Variants in NCALD observed in about 807,000 individuals in gnomAD.
The protein encoded by NCALD is neurocalcin delta.
Under a neutral mutation model 18.6 loss-of-function variants are expected in NCALD, and 10 were observed. The ratio of observed to expected loss-of-function variants is 0.54; its 90% CI spans 0.33 to 0.91. The LOEUF (loss-of-function observed/expected upper bound fraction) is 0.91, where lower values mean the gene tolerates loss of function less well. NCALD is among the 40% of genes least tolerant of loss of function. NCALD has a pLI of 0.03. For missense variants in NCALD, 184 were observed against 247.6 expected (o/e 0.74, Z 1.72); for synonymous variants, 88 against 87.4 (o/e 1.01, Z -0.04).
intron 4 of NCALD, among the ~76,000 whole-genome samples, chr8:101,865,703 A>G (rs1416520778): frequency 6.6e-6 from 1 of 152,030 alleles, no homozygotes; most frequent in Non-Finnish European, 1.5e-5. Flanking sequence ...GCTCTCCAGT[A>G]TGGTAGGTTT....
chr8:101,889,028 C>G (rs1563861134), intron 3 of NCALD, among the ~76,000 whole-genome samples: 1 of 152,042 alleles, frequency 6.6e-6, no homozygotes, highest in East Asian at 1.9e-4. Context: ...CAATTTTGTT[C>G]TGGAGATGCA....
In NCALD at chr8:102,000,749, G is replaced by A. The variant is rs562244675; in HGVS notation, c.-157+19488C>T. Among the ~76,000 whole-genome samples, 6 of 152,278 alleles carry A rather than the reference G, an allele frequency of 3.9e-5. No homozygotes were observed. The East Asian group carries it at 1.2e-3, about 29-fold the overall frequency. ...CTGCTGTTCTGCAGCCTCTGCTGCTGATACCCAGGCAAACAGGGTCTGGAG... is the reference window on the plus strand; with the variant it reads ...CTGCTGTTCTGCAGCCTCTGCTGCTAATACCCAGGCAAACAGGGTCTGGAG... On this transcript the variant is annotated intron_variant, in intron 2 of 6. Transcript: ENST00000311028.
At chr8:102,115,654 C>T (rs16869132) in intron 1 of NCALD, among the ~76,000 whole-genome samples, 11,501 of 152,196 alleles carry the variant, frequency 0.076, 529 homozygotes, top group Non-Finnish European at 0.093. Flanking sequence ...AAAAGACGTG[C>T]GGATGGGTCA....
At chr8:101,732,590 CTTTTTTTTTT>C (rs576286368) in intron 1 of NCALD, among the ~76,000 whole-genome samples, 9 of 53,678 alleles carry the variant, frequency 1.7e-4, no homozygotes, top group Non-Finnish European at 2.7e-4. Flanking sequence ...TTTTTCTTTG[CTTTTTTTTTT>C]TTTTTTTTTT....
At chr8:101,835,614 G>A (rs928054169) in intron 4 of NCALD, among the ~76,000 whole-genome samples, 7 of 152,214 alleles carry the variant, frequency 4.6e-5, no homozygotes, top group Non-Finnish European at 8.8e-5. Flanking sequence ...GCATGGGAGG[G>A]TTTGCTAGGG....
chr8:101,945,849 CTAAA>C (rs1819148127), intron 2 of NCALD, among the ~76,000 whole-genome samples: 3 of 152,196 alleles, frequency 2.0e-5, no homozygotes, highest in Admixed American at 1.3e-4. Flanking sequence ...GTAAACGAGG[CTAAA>C]TGGTGTGCCA....
intron 1 of NCALD, among the ~76,000 whole-genome samples, chr8:102,075,930 T>C (rs76775306): frequency 0.058 from 8,750 of 150,474 alleles, 379 homozygotes; most frequent in Non-Finnish European, 0.09. Context: ...CCAGCCTGGG[T>C]GACAGAGCGA....
intron 3 of NCALD, among the ~76,000 whole-genome samples, chr8:101,893,956 G>A (rs1468787307): frequency 6.8e-6 from 1 of 146,742 alleles, no homozygotes; most frequent in Non-Finnish European, 1.5e-5. Flanking sequence ...ACAGATCAAT[G>A]AGACAGAAAG....
chr8:101,782,866 G>T (rs1170060059), intron 1 of NCALD, among the ~76,000 whole-genome samples: 1 of 152,212 alleles, frequency 6.6e-6, no homozygotes, highest in Non-Finnish European at 1.5e-5. Flanking sequence ...GTGGGAAGTT[G>T]TAGCCAGTGT....
upstream of NCALD, chr8:102,124,496 G>GCGCCCC: frequency 1.3e-5 from 1 of 76,072 alleles, no homozygotes; most frequent in East Asian, 3.7e-4. Context: ...TGCAGTGGAC[G>GCGCCCC]CCCCCCCCCT....
chr8:101,948,801 C>A (rs1313269467), intron 2 of NCALD, among the ~76,000 whole-genome samples: 1 of 152,198 alleles, frequency 6.6e-6, no homozygotes, highest in East Asian at 1.9e-4. Flanking sequence ...TGGGGAAGTC[C>A]TGGCTCCATT....
At chr8:101,984,619 T>A (rs1820735695) in intron 2 of NCALD, among the ~76,000 whole-genome samples, 1 of 152,082 alleles carries the variant, frequency 6.6e-6, no homozygotes, top group Non-Finnish European at 1.5e-5. Context: ...CCAAACAACA[T>A]CCTCTCTCAC....
intron 2 of NCALD, among the ~76,000 whole-genome samples, chr8:102,003,055 CA>C (rs767573337): frequency 2.0e-5 from 3 of 150,650 alleles, no homozygotes; most frequent in African/African-American, 4.9e-5. Flanking sequence ...AACAGAGACA[CA>C]AAAAAAAACC....
At chr8:101,913,710 G>A (rs534513799) in intron 3 of NCALD, among the ~76,000 whole-genome samples, 148 of 152,258 alleles carry the variant, frequency 9.7e-4, no homozygotes, top group African/African-American at 3.3e-3. Flanking sequence ...AGCCTCCTGA[G>A]TAGCTGGGAT....
In NCALD at chr8:101,954,401, C is replaced by T. The variant is rs146450085; in HGVS notation, c.-156-38543G>A. 5.6e-4 allele frequency among the ~76,000 whole-genome samples: 85 copies of T among 152,260 alleles called. 1 individual carries two copies. The highest frequency in any genetic ancestry group is 6.8e-3 in the Middle Eastern group (2 of 294). On this transcript the variant is annotated intron_variant, in intron 2 of 6. Coordinates refer to the NCALD transcript ENST00000311028. ...CGAGGCCCTCCTCATTTCCCCTGAC[C>T]TCTCCTGGCTTCCTGCTTTCTGCTT...
intron 2 of NCALD, among the ~76,000 whole-genome samples, chr8:101,916,972 T>A (rs1324783616): frequency 6.6e-6 from 1 of 152,072 alleles, no homozygotes; most frequent in Admixed American, 6.6e-5. Flanking sequence ...TATCTGGACT[T>A]AAATTTGACA....
At chr8:101,788,515 TGTTA>T (rs1812322299) in intron 1 of NCALD, 1 of 152,218 alleles carries the variant, frequency 6.6e-6, no homozygotes, top group South Asian at 2.1e-4. Flanking sequence ...TTATAACTGC[TGTTA>T]GTTTGTATTA....
chr8:101,848,581 T>C (rs1443962223), intron 4 of NCALD, among the ~76,000 whole-genome samples: 3 of 152,170 alleles, frequency 2.0e-5, no homozygotes, highest in Non-Finnish European at 4.4e-5. Flanking sequence ...GGGTTTTATA[T>C]GGAGAGTCAC....
At chr8:101,956,966 A>C (rs1019009721) in intron 2 of NCALD, among the ~76,000 whole-genome samples, 7 of 152,206 alleles carry the variant, frequency 4.6e-5, no homozygotes, top group African/African-American at 7.2e-5. Flanking sequence ...GCCATATTTA[A>C]ATGAAATGTT....
Sources: allele counts gnomAD v4.1 joint callset (sites outside exome capture counted in the v4.1 genomes callset), GRCh38; gene constraint gnomAD v4.1.1; transcripts MANE v1.5; gene names NCBI Gene and HGNC (gene_info 2026-07-23, HGNC 2026-07-21).